CLSTN1: variants seen among roughly 807,000 people sequenced by gnomAD.
CLSTN1 encodes the protein calsyntenin-1.
In CLSTN1, 28 loss-of-function variants were observed where a neutral mutation model predicts 108.3. That is an observed-to-expected ratio of 0.26 (90% CI 0.19 to 0.35). CLSTN1 has a LOEUF of 0.35. Among genes scored for constraint, CLSTN1 ranks in the 10% least tolerant of loss-of-function variants. The pLI is 1.00. For synonymous variants in CLSTN1, 524 were observed against 534.9 expected (o/e 0.98, Z 0.28); for missense variants, 1,157 against 1,302.6 (o/e 0.89, Z 1.72).
At chr1:9,752,704 A>G (rs1651610563) in intron 4 of CLSTN1, among the ~76,000 whole-genome samples, 1 of 152,018 alleles carries the variant, frequency 6.6e-6, no homozygotes. Context: ...TCTACCAAAA[A>G]TACAAAAATT....
intron 2 of CLSTN1, among the ~76,000 whole-genome samples, chr1:9,760,644 C>T (rs1205081320): frequency 1.3e-5 from 2 of 150,704 alleles, no homozygotes; most frequent in African/African-American, 2.5e-5. Flanking sequence ...CTCAGCCTCC[C>T]GAGTAGCTCA....
chr1:9,791,777 G>A (rs188776755), intron 1 of CLSTN1, among the ~76,000 whole-genome samples: 2 of 146,248 alleles, frequency 1.4e-5, no homozygotes, highest in African/African-American at 2.5e-5. Context: ...TAAGTGATCC[G>A]CCTGCCTCGG....
intron 7 of CLSTN1, among the ~76,000 whole-genome samples, chr1:9,746,136 G>A (rs1235696782): frequency 6.6e-6 from 1 of 152,096 alleles, no homozygotes; most frequent in Non-Finnish European, 1.5e-5. Context: ...CACAGAGGCT[G>A]TCCCTAACCT....
chr1:9,816,998 T>C (rs560775432), intron 1 of CLSTN1, among the ~76,000 whole-genome samples: 7 of 152,122 alleles, frequency 4.6e-5, no homozygotes, highest in Non-Finnish European at 1.0e-4. Context: ...CAGATCAAGG[T>C]AGGCTTGAAA....
chr1:9,811,941 T>A (rs1439329772), intron 1 of CLSTN1, among the ~76,000 whole-genome samples: 1 of 151,920 alleles, frequency 6.6e-6, no homozygotes, highest in East Asian at 1.9e-4. Context: ...ACTGAGACCA[T>A]CCTGGCTAAC....
rs760603431 is a variant in CLSTN1 at position 9,731,292 on chromosome 1, G to A, written c.2662C>T (p.Arg888Trp). The change falls in exon 18 of 19, where the codon CGG (arginine) becomes TGG (tryptophan). Residue 888 changes from arginine to tryptophan, a missense_variant. Coordinates refer to ENST00000377298, the MANE Select transcript of CLSTN1 (RefSeq NM_001009566.3). ...CCGGTGTCCTGATCCCGCATGGTCC[G>A]CCGATGTGCGGCCCGGATCCGAAAT... The part of the protein sequence containing the change: ...GVFRIRAAHR[R>W]TMRDQDTGKE... 97 of 1,614,110 alleles carry A rather than the reference G, an allele frequency of 6.0e-5. No homozygotes were observed. Among genetic ancestry groups the A allele is most frequent in the Non-Finnish European group, 7.4e-5 (87 of 1,180,042 alleles).
At chr1:9,795,162 A>T (rs1048707336) in intron 1 of CLSTN1, among the ~76,000 whole-genome samples, 1 of 150,606 alleles carries the variant, frequency 6.6e-6, no homozygotes, top group Admixed American at 6.8e-5. Flanking sequence ...TAAAACAAAT[A>T]TTAACTTTTT....
chr1:9,773,887 C>T (rs563126563), intron 1 of CLSTN1, among the ~76,000 whole-genome samples: 7 of 151,942 alleles, frequency 4.6e-5, no homozygotes, highest in Non-Finnish European at 7.4e-5. Flanking sequence ...TGTGCACCAC[C>T]ATACTTGACT....
Position 9,744,620 on chromosome 1 carries a change from G to T in CLSTN1, c.1009C>A (p.Leu337Met). 6.2e-7 allele frequency: 1 copy of T among 1,611,980 alleles called. No individual in the cohort carries two copies. Among genetic ancestry groups the T allele is most frequent in the Non-Finnish European group, 8.5e-7 (1 of 1,179,864 alleles). ...LCGAAAGTAE[L>M]LPSPSGSLNW... ...AGGGATCCACTCGGGGATGGCAGCA[G>T]CTCGGCAGTGCCCGCGGCCGCACCT... Residue 337 changes from leucine (L) to methionine (M), a missense_variant, in exon 8 of 19, where the codon CTG becomes ATG. Coordinates refer to ENST00000377298, the MANE Select transcript of CLSTN1 (RefSeq NM_001009566.3).
intron 1 of CLSTN1, among the ~76,000 whole-genome samples, chr1:9,819,514 C>A (rs1429135194): frequency 6.6e-6 from 1 of 152,062 alleles, no homozygotes; most frequent in Admixed American, 6.6e-5. Context: ...ATATTATTTG[C>A]GTTTTTGGCT....
At chr1:9,804,084 C>T (rs947165876) in intron 1 of CLSTN1, among the ~76,000 whole-genome samples, 2 of 151,394 alleles carry the variant, frequency 1.3e-5, no homozygotes, top group East Asian at 2.0e-4. Context: ...GGCGAGGGGC[C>T]GGGTACGGTG....
intron 1 of CLSTN1, among the ~76,000 whole-genome samples, chr1:9,790,118 A>G (rs1653693473): frequency 6.6e-6 from 1 of 151,412 alleles, no homozygotes; most frequent in Non-Finnish European, 1.5e-5. Context: ...TTCACTCAAG[A>G]CTTTTCTCGC....
At chr1:9,739,554 C>T (rs1371131707) in intron 10 of CLSTN1, among the ~76,000 whole-genome samples, 1 of 152,164 alleles carries the variant, frequency 6.6e-6, no homozygotes, top group African/African-American at 2.4e-5. Flanking sequence ...CTTAAAACCC[C>T]AGGTCTGAGC....
intron 7 of CLSTN1, among the ~76,000 whole-genome samples, chr1:9,746,773 G>A (rs1248926335): frequency 3.3e-5 from 5 of 151,618 alleles, no homozygotes; most frequent in Non-Finnish European, 7.4e-5. Context: ...TGTGGGCTTG[G>A]GCAAGCTACT....
Position 9,733,423 on chromosome 1 carries a change from A to T in CLSTN1, c.2405T>A (p.Ile802Asn), listed in dbSNP as rs1347968294. The T allele has an allele frequency of 5.0e-6, 8 of 1,614,056 alleles. No homozygotes were observed. In the Admixed American group the frequency reaches 1.3e-4, roughly 27 times the overall value. The change falls in exon 16 of 19, where the codon ATC becomes AAC. Residue 802 changes from isoleucine to asparagine, a missense_variant. By Grantham distance (149) the Ile-to-Asn change is moderately radical. Coordinates refer to ENST00000377298, the MANE Select transcript of CLSTN1 (RefSeq NM_001009566.3). ...CACCTCCACCTTAAATTCGTTGCTG[A>T]TGTAGCGGCCATTCAGCTCTGAGCA... ...LICSELNGRY[I>N]SNEFKVEVNV... is the part of the protein sequence containing the mutation.
At chr1:9,731,993 C>CA (rs1650426929) in intron 16 of CLSTN1, 97 bp from the exon 17 acceptor site, 2 of 1,470,962 alleles carry the variant, frequency 1.4e-6, no homozygotes, top group African/African-American at 1.4e-5. Context: ...CAGTGCCACT[C>CA]AGAGTGGCTC....
chr1:9,749,800 T>A lies in CLSTN1; in HGVS notation c.763A>T (p.Ile255Phe). Residue 255 changes from isoleucine (I) to phenylalanine (F), a missense_variant, in exon 6 of 19, where the codon ATC (isoleucine) becomes TTC (phenylalanine). Coordinates refer to ENST00000377298, the MANE Select transcript of CLSTN1 (RefSeq NM_001009566.3). The part of the protein sequence containing the change: ...KRATEDVLVK[I>F]SIKPTCTPGW... ...GGGGTGCAGGTGGGCTTAATGCTGA[T>A]CTTCACCAAAACATCTTCTGTGGCT... 2 of 1,614,210 alleles carry A rather than the reference T, an allele frequency of 1.2e-6. No individual in the cohort carries two copies. The highest frequency in any genetic ancestry group is 1.7e-6 in the Non-Finnish European group (2 of 1,180,034).
chr1:9,821,283 C>A (rs950995908), intron 1 of CLSTN1, among the ~76,000 whole-genome samples: 1 of 152,184 alleles, frequency 6.6e-6, no homozygotes, highest in Non-Finnish European at 1.5e-5. Flanking sequence ...CAGGCGTCCA[C>A]CAGTACACCC....
chr1:9,735,775 C>G, intron 12 of CLSTN1, 110 bp downstream of exon 12: 6 of 1,508,162 alleles, frequency 4.0e-6, no homozygotes, highest in Non-Finnish European at 5.4e-6. Flanking sequence ...ACTCTTTTAC[C>G]CAACAGTAAA....
Sources: allele counts gnomAD v4.1 joint callset (sites outside exome capture counted in the v4.1 genomes callset), GRCh38; gene constraint gnomAD v4.1.1; transcripts MANE v1.5; gene names NCBI Gene and HGNC (gene_info 2026-07-23, HGNC 2026-07-21).